RICTOR: variants seen among roughly 807,000 people sequenced by gnomAD.
The protein encoded by RICTOR is rapamycin-insensitive companion of mTOR.
A neutral mutation model predicts 214.9 loss-of-function variants in RICTOR; 49 were observed. That is an observed-to-expected ratio of 0.23 (90% CI 0.18 to 0.29). RICTOR has a LOEUF of 0.29. Ranked by LOEUF, RICTOR falls within the 10% of genes least tolerant of loss-of-function variation. The pLI, the probability that RICTOR is intolerant of heterozygous loss-of-function variation, is 1.00. For synonymous variants in RICTOR, 717 were observed against 711.3 expected, an observed-to-expected ratio of 1.01 and a Z score of -0.13; for missense variants, 1,625 against 2,047.0, an observed-to-expected ratio of 0.79 and a Z score of 3.98.
intron 30 of RICTOR, 104 bp downstream of exon 30, chr5:38,952,092 T>C: frequency 1.4e-6 from 1 of 704,666 alleles, no homozygotes; most frequent in Non-Finnish European, 2.4e-6. Flanking sequence ...ATAATTATCT[T>C]AGACAAAAGC....
chr5:39,058,761 A>G (rs1758353412), intron 2 of RICTOR, among the ~76,000 whole-genome samples: 1 of 152,106 alleles, frequency 6.6e-6, no homozygotes, highest in South Asian at 2.1e-4. Context: ...TAGAAATACT[A>G]AACTGATTTT....
At chr5:39,008,307 T>C (rs1247286161) in intron 3 of RICTOR, among the ~76,000 whole-genome samples, 1 of 152,050 alleles carries the variant, frequency 6.6e-6, no homozygotes, top group Non-Finnish European at 1.5e-5. Context: ...CTAGGAATAG[T>C]TTTATATATA....
intron 2 of RICTOR, among the ~76,000 whole-genome samples, chr5:39,053,674 C>G (rs1459094079): frequency 6.6e-6 from 1 of 152,082 alleles, no homozygotes; most frequent in East Asian, 1.9e-4. Flanking sequence ...GGGTGGATCA[C>G]GAGGTCAGGA....
intron 2 of RICTOR, among the ~76,000 whole-genome samples, chr5:39,025,782 C>T (rs1755769217): frequency 6.6e-6 from 1 of 152,188 alleles, no homozygotes; most frequent in Admixed American, 6.5e-5. Flanking sequence ...CTAATTACCT[C>T]CCAGAGGCCC....
chr5:39,019,646 G>A lies in RICTOR; in HGVS notation c.195+1393C>T, dbSNP rs570622919. Among the ~76,000 whole-genome samples the A allele has an allele frequency of 3.2e-4, 49 of 152,196 alleles. 1 individual carries two copies. The South Asian group carries it at 8.7e-3, about 27-fold the overall frequency. The stretch of plus-strand genomic sequence containing the variant: ...TTCTTTCAAATTGTTACGGCTCATT[G>A]ACAATGCACCTAGTCACCCAAGAGT... On this transcript the variant is annotated intron_variant, in intron 3 of 37. Transcript: ENST00000357387.
At chr5:38,990,585 CATGATATAT>C (rs1473936324) in intron 7 of RICTOR, among the ~76,000 whole-genome samples, 7 of 139,478 alleles carry the variant, frequency 5.0e-5, no homozygotes, top group South Asian at 2.2e-4. Flanking sequence ...ATGATATATA[CATGATATAT>C]ACGATATATA....
At chr5:39,060,567 C>A (rs1193705434) in intron 2 of RICTOR, among the ~76,000 whole-genome samples, 1 of 151,954 alleles carries the variant, frequency 6.6e-6, no homozygotes, top group East Asian at 1.9e-4. Flanking sequence ...AATCAATATT[C>A]ATAATGATGA....
intron 25 of RICTOR, among the ~76,000 whole-genome samples, 157 bp from the exon 26 acceptor site, chr5:38,955,861 C>T (rs1170751329): frequency 6.6e-6 from 1 of 151,978 alleles, no homozygotes; most frequent in Non-Finnish European, 1.5e-5. Context: ...TCAACTAGTA[C>T]TATATACTAA....
At chr5:38,965,040 C>T in intron 15 of RICTOR, 148 bp from the exon 16 acceptor site, 3 of 500,616 alleles carry the variant, frequency 6.0e-6, no homozygotes, top group Non-Finnish European at 1.1e-5. Flanking sequence ...CCAATACATG[C>T]TTATTTATAT....
intron 2 of RICTOR, among the ~76,000 whole-genome samples, chr5:39,071,412 G>A (rs908222012): frequency 6.5e-4 from 99 of 151,910 alleles, no homozygotes; most frequent in African/African-American, 2.2e-3. Flanking sequence ...CAAAACAACC[G>A]TTTAAAGTAT....
rs758812494 is a variant in RICTOR, at chr5:38,981,918, A to G, written c.702T>C (p.Leu234=). 1.9e-6 allele frequency: 3 copies of G among 1,613,172 alleles called. No homozygotes were observed. Among genetic ancestry groups the G allele is most frequent in the East Asian group, 2.2e-5 (1 of 44,836 alleles). The change falls in exon 8 of 38, where the codon CTT becomes CTC. Residue 234 remains leucine (L), a synonymous_variant. Coordinates refer to ENST00000357387, the MANE Select transcript of RICTOR (RefSeq NM_152756.5). The part of the protein sequence containing the change: ...NEALITTILH[L]LNHPKTRQYV... ...ACTGTCGAGTCTTTGGATGATTAAG[A>G]AGGTGCAAAATTGTAGTAATTAGGG...
At chr5:39,065,269 A>G (rs1217549180) in intron 2 of RICTOR, among the ~76,000 whole-genome samples, 1 of 152,170 alleles carries the variant, frequency 6.6e-6, no homozygotes, top group Non-Finnish European at 1.5e-5. Flanking sequence ...GCTGGGGGGA[A>G]GGAGCCACAG....
chr5:39,041,637 G>C (rs781411260), intron 2 of RICTOR, among the ~76,000 whole-genome samples: 5 of 152,122 alleles, frequency 3.3e-5, no homozygotes, highest in Non-Finnish European at 5.9e-5. Flanking sequence ...TAGATTTCCG[G>C]ATTGGGTAAA....
chr5:38,964,666 G>T, intron 16 of RICTOR, 126 bp downstream of exon 16: 1 of 465,850 alleles, frequency 2.1e-6, no homozygotes, highest in Non-Finnish European at 3.7e-6. Context: ...TTTTCCTTTA[G>T]CAAATTCCTT....
chr5:39,073,137 T>C (rs912302577), intron 2 of RICTOR, among the ~76,000 whole-genome samples: 4 of 152,222 alleles, frequency 2.6e-5, no homozygotes, highest in Non-Finnish European at 5.9e-5. Flanking sequence ...CAAGTTTTTT[T>C]GTTTACTTCC....
At position 38,967,371 on chromosome 5, in the gene RICTOR, C is replaced by T; in HGVS notation, c.1117G>A (p.Ala373Thr). Reference protein sequence around the residue: ...RLSDGFVAAEAKTILPHRARS... With the variant: ...RLSDGFVAAETKTILPHRARS... ...GCACGATGAGGAAGAATAGTTTTTG[C>T]CTCAGCTGCCACAAAGCCATCTGAA... Residue 373 changes from alanine to threonine, a missense_variant, in exon 13 of 38, where the codon GCA (alanine) becomes ACA (threonine). Physicochemically the swap from Ala to Thr is moderately conservative, Grantham distance 58. This residue lies in a region of RICTOR where 1,214 missense variants were observed against 1,470.5 expected (regional missense o/e 0.83). Transcript: ENST00000357387. 1 of 1,613,868 alleles carries T rather than the reference C, an allele frequency of 6.2e-7. No homozygotes were observed. The highest frequency in any genetic ancestry group is 1.1e-5 in the South Asian group (1 of 91,028).
At position 39,011,651 on chromosome 5, in the gene RICTOR, T is replaced by C. The variant is rs369625305; in HGVS notation, c.196-8029A>G. ...TGTGGGAGCTCACTTCTTGCATCAG[T>C]GTGACCTGGATGTGACACATGGAGT... On this transcript the variant is annotated intron_variant, in intron 3 of 37. Coordinates refer to ENST00000357387, the MANE Select transcript of RICTOR (RefSeq NM_152756.5). Among the ~76,000 whole-genome samples, 10 of 152,188 alleles carry C rather than the reference T, an allele frequency of 6.6e-5. No individual in the cohort carries two copies. In the East Asian group the frequency reaches 1.2e-3, roughly 18 times the overall value.
chr5:38,966,036 T>C (rs904471221), intron 15 of RICTOR, among the ~76,000 whole-genome samples: 2 of 152,102 alleles, frequency 1.3e-5, no homozygotes, highest in African/African-American at 2.4e-5. Context: ...ACAGTAAGAA[T>C]TGTCAAATCA....
chr5:39,017,632 A>C (rs1469004411), intron 3 of RICTOR, among the ~76,000 whole-genome samples: 1 of 152,130 alleles, frequency 6.6e-6, no homozygotes, highest in Non-Finnish European at 1.5e-5. Context: ...TTAAAACTTC[A>C]CTACGGAAAA....
Sources: allele counts gnomAD v4.1 joint callset (sites outside exome capture counted in the v4.1 genomes callset), GRCh38; gene constraint gnomAD v4.1.1; regional missense constraint gnomAD v4.1.1; transcripts MANE v1.5; gene names NCBI Gene and HGNC (gene_info 2026-07-23, HGNC 2026-07-21).